PTPRD: variants seen among roughly 807,000 people sequenced by gnomAD.
The protein encoded by PTPRD is protein tyrosine phosphatase receptor type D.
PTPRD carries 34 observed loss-of-function variants against 214.5 expected under a neutral mutation model. The observed-to-expected ratio is 0.16, with a 90% confidence interval of 0.12 to 0.21. The LOEUF is 0.21. PTPRD is among the 10% of genes least tolerant of loss of function. The pLI is 1.00. For missense variants in PTPRD, 2,545 were observed against 2,398.7 expected (o/e 1.06, Z -1.27); for synonymous variants, 1,128 against 845.7 (o/e 1.33, Z -5.79).
intron 11 of PTPRD, among the ~76,000 whole-genome samples, chr9:8,798,723 T>C (rs998118540): frequency 1.3e-5 from 2 of 152,202 alleles, no homozygotes; most frequent in African/African-American, 4.8e-5. Context: ...TTCTTGAAAT[T>C]TACAGGTAGT....
At chr9:9,850,615 T>C (rs2060376435) in intron 5 of PTPRD, among the ~76,000 whole-genome samples, 1 of 152,142 alleles carries the variant, frequency 6.6e-6, no homozygotes, top group Admixed American at 6.6e-5. Flanking sequence ...ATATATAGAA[T>C]ACTATGGAAT....
At chr9:8,683,217 G>A (rs2097586429) in intron 12 of PTPRD, among the ~76,000 whole-genome samples, 2 of 152,160 alleles carry the variant, frequency 1.3e-5, no homozygotes, top group South Asian at 4.1e-4. Flanking sequence ...TCTCTCTGAA[G>A]GAATTCTCTT....
intron 10 of PTPRD, among the ~76,000 whole-genome samples, chr9:9,135,022 G>A (rs976249673): frequency 3.3e-4 from 50 of 152,038 alleles, no homozygotes; most frequent in Admixed American, 2.4e-3. Flanking sequence ...ACTCATATGC[G>A]CTTTATGATG....
intron 2 of PTPRD, among the ~76,000 whole-genome samples, chr9:10,536,132 T>C (rs1281547908): frequency 6.6e-6 from 1 of 152,148 alleles, no homozygotes; most frequent in Non-Finnish European, 1.5e-5. Context: ...TAGAGCCAAA[T>C]TCTTCAGAGG....
At position 9,464,912 on chromosome 9, in the gene PTPRD, G is replaced by C. The variant is rs118147120; in HGVS notation, c.-236-67430C>G. Among the ~76,000 whole-genome samples, 1,154 of 152,220 alleles carry C rather than the reference G, an allele frequency of 7.6e-3. 13 individuals are homozygous for C. Among genetic ancestry groups the C allele is most frequent in the South Asian group, 0.013 (61 of 4,828 alleles). The stretch of plus-strand genomic sequence containing the variant: ...TGTTAATTAAGCATGTCCAATGCAG[G>C]CGTCTAGAGCATTGTGCATGAAACC... On this transcript the variant is annotated intron_variant, in intron 8 of 45. Transcript: ENST00000381196.
At chr9:9,376,679 T>C (rs2060893002) in intron 9 of PTPRD, among the ~76,000 whole-genome samples, 1 of 152,038 alleles carries the variant, frequency 6.6e-6, no homozygotes, top group Admixed American at 6.6e-5. Flanking sequence ...GAAAAAAACA[T>C]TAATAGAGTC....
chr9:9,066,895 G>A (rs965634480), intron 10 of PTPRD, among the ~76,000 whole-genome samples: 4 of 152,176 alleles, frequency 2.6e-5, no homozygotes, highest in Non-Finnish European at 4.4e-5. Flanking sequence ...AACTGTGAGA[G>A]AATAAATTTC....
chr9:9,661,350 T>G (rs2096618238), intron 7 of PTPRD, among the ~76,000 whole-genome samples: 1 of 151,934 alleles, frequency 6.6e-6, no homozygotes, highest in African/African-American at 2.4e-5. Flanking sequence ...GTATATTTTT[T>G]TAAATTGCTA....
chr9:9,302,612 T>A (rs979968301), intron 9 of PTPRD, among the ~76,000 whole-genome samples: 3 of 142,952 alleles, frequency 2.1e-5, no homozygotes, highest in Non-Finnish European at 4.6e-5. Context: ...TTTTTTTTTT[T>A]TTTTTGTCTT....
chr9:8,554,505 A>T (rs2083117245), intron 14 of PTPRD, among the ~76,000 whole-genome samples: 2 of 152,182 alleles, frequency 1.3e-5, no homozygotes, highest in South Asian at 4.1e-4. Context: ...GGGAACACAG[A>T]GAGGTATATG....
chr9:10,239,840 A>C (rs943687761), intron 3 of PTPRD, among the ~76,000 whole-genome samples: 5 of 151,880 alleles, frequency 3.3e-5, no homozygotes, highest in African/African-American at 9.7e-5. Context: ...CTTGCCCCTC[A>C]GTCTCCCCTG....
At chr9:9,721,049 C>T (rs557727790) in intron 7 of PTPRD, among the ~76,000 whole-genome samples, 1 of 151,970 alleles carries the variant, frequency 6.6e-6, no homozygotes, top group Non-Finnish European at 1.5e-5. Flanking sequence ...GGCTTAGTAC[C>T]TAGGTGATAA....
intron 2 of PTPRD, among the ~76,000 whole-genome samples, chr9:10,544,062 A>G (rs774888620): frequency 6.6e-5 from 10 of 152,170 alleles, no homozygotes; most frequent in Non-Finnish European, 1.0e-4. Flanking sequence ...CATAGTCTTA[A>G]TAACTTTGAA....
intron 11 of PTPRD, among the ~76,000 whole-genome samples, chr9:8,839,379 G>A (rs796916693): frequency 6.6e-6 from 1 of 151,904 alleles, no homozygotes; most frequent in Non-Finnish European, 1.5e-5. Flanking sequence ...AGGCTGGAGC[G>A]CTGTGGCGCG....
At chr9:9,221,073 G>C (rs757159498) in intron 9 of PTPRD, among the ~76,000 whole-genome samples, 7 of 152,072 alleles carry the variant, frequency 4.6e-5, no homozygotes, top group East Asian at 1.9e-4. Context: ...CAGAGGCTGA[G>C]GCCATGAAAT....
chr9:9,564,618 C>G (rs968704135), intron 8 of PTPRD, among the ~76,000 whole-genome samples: 2 of 151,868 alleles, frequency 1.3e-5, no homozygotes, highest in South Asian at 2.1e-4. Context: ...ACTTACTGAA[C>G]CAAAATCTTC....
At chr9:9,219,061 A>T (rs905204638) in intron 9 of PTPRD, among the ~76,000 whole-genome samples, 10 of 152,168 alleles carry the variant, frequency 6.6e-5, no homozygotes, top group Non-Finnish European at 1.5e-4. Flanking sequence ...CTCTTTTCAC[A>T]TCGTGTGTGC....
chr9:9,344,106 G>C (rs922927207), intron 9 of PTPRD, among the ~76,000 whole-genome samples: 1 of 152,092 alleles, frequency 6.6e-6, no homozygotes, highest in African/African-American at 2.4e-5. Context: ...AGATTATTTT[G>C]TTACATTGGC....
chr9:10,340,109 A>T (rs1190232931), intron 3 of PTPRD, among the ~76,000 whole-genome samples: 1 of 151,890 alleles, frequency 6.6e-6, no homozygotes, highest in Non-Finnish European at 1.5e-5. Context: ...TTCAATAATT[A>T]TTTCATACTA....
Sources: gnomAD v4.1 joint callset for allele counts (sites outside exome capture counted in the v4.1 genomes callset) on GRCh38, gnomAD v4.1.1 for gene constraint, MANE v1.5 for transcripts, NCBI Gene and HGNC (gene_info 2026-07-23, HGNC 2026-07-21) for gene names.